The following KCNN2 variants were observed in gnomAD, a reference collection of about 807,000 sequenced individuals.
KCNN2 encodes small conductance calcium-activated potassium channel protein 2.
KCNN2 carries 24 observed loss-of-function variants against 55.5 expected under a neutral mutation model. The observed-to-expected ratio is 0.43, with a 90% CI of 0.31 to 0.61. KCNN2 has a LOEUF of 0.61. KCNN2 is among the 20% of genes least tolerant of loss of function. The pLI is 0.08. For missense variants in KCNN2, 754 were observed against 853.6 expected, an observed-to-expected ratio of 0.88 and a Z score of 1.45; for synonymous variants, 431 against 336.1, an observed-to-expected ratio of 1.28 and a Z score of -3.09.
chr5:114,487,761 C>T (rs1561415988), intron 6 of KCNN2, among the ~76,000 whole-genome samples: 1 of 152,092 alleles, frequency 6.6e-6, no homozygotes, highest in Non-Finnish European at 1.5e-5. Flanking sequence ...GTAAGATGCA[C>T]TGATAATTTG....
At chr5:114,200,427 T>C (rs1753650953) in intron 1 of KCNN2, among the ~76,000 whole-genome samples, 1 of 152,112 alleles carries the variant, frequency 6.6e-6, no homozygotes, top group Admixed American at 6.5e-5. Context: ...TTGATTTTCC[T>C]AATTTCTTTA....
intron 5 of KCNN2, among the ~76,000 whole-genome samples, chr5:114,474,837 A>C (rs548173040): frequency 6.6e-6 from 1 of 152,210 alleles, no homozygotes; most frequent in South Asian, 2.1e-4. Context: ...GATATTAGGG[A>C]GAAAAATACC....
chr5:114,168,170 T>TAC (rs920139618), intron 1 of KCNN2, among the ~76,000 whole-genome samples: 1 of 127,608 alleles, frequency 7.8e-6, no homozygotes, highest in Non-Finnish European at 1.7e-5. Context: ...TATGTGGATA[T>TAC]ATATACACAC....
At chr5:114,193,191 CT>C (rs1292385182) in intron 1 of KCNN2, among the ~76,000 whole-genome samples, 1 of 152,090 alleles carries the variant, frequency 6.6e-6, no homozygotes, top group Non-Finnish European at 1.5e-5. Context: ...AATGTCTCCC[CT>C]GCATGACTGA....
chr5:114,281,178 T>A (rs1004840171), intron 2 of KCNN2, among the ~76,000 whole-genome samples: 1 of 152,202 alleles, frequency 6.6e-6, no homozygotes, highest in Non-Finnish European at 1.5e-5. Context: ...TTATATTGTA[T>A]AATGCATTTA....
chr5:114,149,826 A>T (rs1752483004), intron 1 of KCNN2, among the ~76,000 whole-genome samples: 2 of 152,224 alleles, frequency 1.3e-5, no homozygotes, highest in African/African-American at 4.8e-5. Flanking sequence ...GAAGCTAGAC[A>T]ACCGGTTAGA....
intron 1 of KCNN2, among the ~76,000 whole-genome samples, chr5:114,197,606 A>C (rs1246054438): frequency 6.6e-6 from 1 of 152,184 alleles, no homozygotes; most frequent in African/African-American, 2.4e-5. Context: ...TACAAATGGC[A>C]GTGGGTGACT....
At chr5:114,378,387 G>C (rs1041768652) in intron 2 of KCNN2, among the ~76,000 whole-genome samples, 4 of 152,182 alleles carry the variant, frequency 2.6e-5, no homozygotes, top group African/African-American at 9.7e-5. Context: ...GAAGAAACAT[G>C]GCTGAAAGTG....
chr5:114,428,328 C>G (rs181609567), intron 3 of KCNN2, among the ~76,000 whole-genome samples: 2 of 152,190 alleles, frequency 1.3e-5, no homozygotes, highest in East Asian at 3.9e-4. Context: ...TTAAATGAAT[C>G]TGCTCCATCA....
intron 4 of KCNN2, among the ~76,000 whole-genome samples, chr5:114,468,733 G>A (rs1257868218): frequency 1.3e-5 from 2 of 152,102 alleles, no homozygotes; most frequent in African/African-American, 4.8e-5. Flanking sequence ...TCATTATTAT[G>A]TTGAATCTTT....
chr5:114,463,994 A>G (rs907879602), intron 4 of KCNN2, among the ~76,000 whole-genome samples: 3 of 152,164 alleles, frequency 2.0e-5, no homozygotes, highest in Non-Finnish European at 4.4e-5. Flanking sequence ...ACACAGAGCA[A>G]AAGGGGAGAG....
In KCNN2 at chr5:114,184,539, A is replaced by G. The variant is rs117810867; in HGVS notation, c.-270-36941A>G. Among the ~76,000 whole-genome samples the G allele has an allele frequency of 3.9e-5, 6 of 152,332 alleles. No homozygotes were observed. In the East Asian group the frequency reaches 9.6e-4, roughly 24 times the overall value. On this transcript the variant is annotated intron_variant, in intron 1 of 10. Coordinates refer to the KCNN2 transcript ENST00000512097. Reference sequence around the variant, plus strand: ...TTATTATGAGTTATACTTTATAATTATAGGATGGCCTTTTGCTATGACATT... The same window carrying G: ...TTATTATGAGTTATACTTTATAATTGTAGGATGGCCTTTTGCTATGACATT...
intron 3 of KCNN2, among the ~76,000 whole-genome samples, chr5:114,436,467 G>C (rs552777317): frequency 6.6e-6 from 1 of 152,266 alleles, no homozygotes; most frequent in African/African-American, 2.4e-5. Flanking sequence ...TTACTTGTAT[G>C]TCATTTGATC....
chr5:114,140,512 C>G (rs1238200442), intron 1 of KCNN2, among the ~76,000 whole-genome samples: 1 of 152,046 alleles, frequency 6.6e-6, no homozygotes, highest in Non-Finnish European at 1.5e-5. Flanking sequence ...TCATCATCTA[C>G]GTAAATGCAC....
intron 3 of KCNN2, among the ~76,000 whole-genome samples, chr5:114,416,807 A>G (rs1317702375): frequency 1.3e-5 from 2 of 152,226 alleles, no homozygotes; most frequent in Non-Finnish European, 2.9e-5. Context: ...TTAGAACTTC[A>G]TATAAAACCT....
chr5:114,173,776 T>C (rs887505907), intron 1 of KCNN2, among the ~76,000 whole-genome samples: 1 of 151,906 alleles, frequency 6.6e-6, no homozygotes, highest in Admixed American at 6.6e-5. Flanking sequence ...ATAGAATATT[T>C]TTACTATATT....
chr5:114,093,870 A>C (rs1751200190), intron 1 of KCNN2, among the ~76,000 whole-genome samples: 1 of 152,180 alleles, frequency 6.6e-6, no homozygotes, highest in Non-Finnish European at 1.5e-5. Flanking sequence ...GGGTGGGGAC[A>C]TAAAGCCTAA....
chr5:114,343,754 C>T (rs991802890), intron 2 of KCNN2, among the ~76,000 whole-genome samples: 7 of 152,016 alleles, frequency 4.6e-5, no homozygotes, highest in African/African-American at 1.7e-4. Context: ...ATGAGTGGTA[C>T]AATCCTAAAG....
At chr5:114,235,862 A>T (rs964422538) in intron 2 of KCNN2, among the ~76,000 whole-genome samples, 3 of 152,212 alleles carry the variant, frequency 2.0e-5, no homozygotes, top group Admixed American at 2.0e-4. Context: ...CTCACAGCTG[A>T]TGAGGAAACT....
Sources: allele counts gnomAD v4.1 joint callset (sites outside exome capture counted in the v4.1 genomes callset), GRCh38; gene constraint gnomAD v4.1.1; transcripts MANE v1.5; gene names NCBI Gene and HGNC (gene_info 2026-07-23, HGNC 2026-07-21).